Variants in FBP1 observed in about 807,000 individuals in gnomAD.
The protein encoded by FBP1 is fructose-bisphosphatase 1.
FBP1 carries 22 observed loss-of-function variants against 29.9 expected under a neutral mutation model. The ratio of observed to expected loss-of-function variants is 0.74; its 90% CI spans 0.53 to 1.05. The LOEUF is 1.05. Among genes scored for constraint, FBP1 ranks in the 50% least tolerant of loss-of-function variants. The pLI is 0.00. For missense variants in FBP1, 345 were observed against 448.2 expected (o/e 0.77, Z 2.08); for synonymous variants, 175 against 178.6 (o/e 0.98, Z 0.16).
chr9:94,639,543 G>C, upstream of FBP1: 1 of 608,308 alleles, frequency 1.6e-6, no homozygotes, highest in Non-Finnish European at 2.9e-6. Context: ...GGTGAATCGC[G>C]GAAACCTTTA....
intron 1 of FBP1, among the ~76,000 whole-genome samples, chr9:94,626,911 A>C (rs1653812275): frequency 2.0e-5 from 3 of 152,042 alleles, no homozygotes; most frequent in Admixed American, 6.6e-5. Context: ...AAAATTGGCC[A>C]GTCGCAGTGG....
At chr9:94,628,376 T>C (rs545572000) in intron 1 of FBP1, among the ~76,000 whole-genome samples, 92 of 83,190 alleles carry the variant, frequency 1.1e-3, no homozygotes, top group South Asian at 5.5e-3. Flanking sequence ...ACAGAGACTC[T>C]GTCTCAAAAA....
At position 94,610,059 on chromosome 9, in the gene FBP1, T is replaced by C. The variant is rs1177202458; in HGVS notation, c.429A>G (p.Lys143=). ...CCTTCTCAGAAGGCTCATCAGTTGA[T>C]TTCTAGAGCAAGAAAGAAATCAAAG... The part of the protein sequence containing the change: ...VGTIFGIYRK[K]STDEPSEKDA... The change falls in exon 4 of 7, where the codon AAA becomes AAG. Residue 143 remains lysine (K), a splice_region_variant and synonymous_variant. Transcript: ENST00000375326. The C allele has an allele frequency of 6.2e-7, 1 of 1,614,090 alleles. No individual in the cohort carries two copies. The highest frequency in any genetic ancestry group is 2.2e-5 in the East Asian group (1 of 44,876).
chr9:94,614,900 A>G (rs554054443), intron 3 of FBP1, among the ~76,000 whole-genome samples: 86 of 152,030 alleles, frequency 5.7e-4, no homozygotes, highest in Non-Finnish European at 1.0e-3. Context: ...CTTTTTATTA[A>G]TTAATTAATT....
At chr9:94,613,585 C>A (rs112037608) in intron 3 of FBP1, among the ~76,000 whole-genome samples, 1 of 151,766 alleles carries the variant, frequency 6.6e-6, no homozygotes, top group East Asian at 1.9e-4. Flanking sequence ...GGAAACATAG[C>A]GAGACCCCCT....
At chr9:94,613,937 C>T (rs1293850159) in intron 3 of FBP1, among the ~76,000 whole-genome samples, 1 of 149,806 alleles carries the variant, frequency 6.7e-6, no homozygotes, top group East Asian at 2.0e-4. Flanking sequence ...AAAAATTAGC[C>T]AAGCGTGGTG....
At chr9:94,613,783 A>G (rs1175513733) in intron 3 of FBP1, among the ~76,000 whole-genome samples, 1 of 123,630 alleles carries the variant, frequency 8.1e-6, no homozygotes, top group Non-Finnish European at 1.7e-5. Flanking sequence ...GAAAAAAAAG[A>G]AGAAAAAAAA....
At chr9:94,603,914 T>A (rs542439801) in intron 6 of FBP1, 5 of 363,112 alleles carry the variant, frequency 1.4e-5, no homozygotes, top group African/African-American at 2.1e-5. Context: ...ACTTAATGAG[T>A]GATTCTGTGT....
intron 1 of FBP1, among the ~76,000 whole-genome samples, chr9:94,625,220 G>T (rs1299726117): frequency 6.6e-6 from 1 of 151,988 alleles, no homozygotes; most frequent in Non-Finnish European, 1.5e-5. Context: ...ATGACCACCA[G>T]CCAGCCCTCC....
At chr9:94,620,876 G>T (rs1054575580) in intron 1 of FBP1, among the ~76,000 whole-genome samples, 6 of 152,208 alleles carry the variant, frequency 3.9e-5, no homozygotes, top group African/African-American at 7.2e-5. Context: ...ACAAACCTAC[G>T]CATTCTGCAT....
intron 3 of FBP1, among the ~76,000 whole-genome samples, chr9:94,616,658 T>C (rs1827867802): frequency 1.3e-5 from 2 of 151,956 alleles, no homozygotes; most frequent in African/African-American, 4.8e-5. Flanking sequence ...AGTCTCAATC[T>C]CCTGACCTTG....
At chr9:94,627,549 C>A (rs1369544875) in intron 1 of FBP1, among the ~76,000 whole-genome samples, 1 of 152,094 alleles carries the variant, frequency 6.6e-6, no homozygotes, top group African/African-American at 2.4e-5. Flanking sequence ...TGAGCCCTAG[C>A]GAATGCAGCG....
intron 1 of FBP1, among the ~76,000 whole-genome samples, chr9:94,624,803 G>A (rs966294096): frequency 1.3e-5 from 2 of 152,188 alleles, no homozygotes; most frequent in Non-Finnish European, 2.9e-5. Context: ...ATTTCCAAAT[G>A]GAAGGGAGTG....
At position 94,639,433 on chromosome 9, in the gene FBP1, G is replaced by T; in HGVS notation, c.-123C>A. The T allele has an allele frequency of 8.6e-7, 1 of 1,159,794 alleles. No homozygotes were observed. The highest frequency in any genetic ancestry group is 1.3e-6 in the Non-Finnish European group (1 of 799,652). 71.8% of individuals were successfully genotyped at this position (1,159,794 alleles called of 1,614,324 possible). A position where few individuals can be genotyped will look rare whatever the true frequency, so the allele number is the denominator to read the frequency against. ...TGCGGAGCTGCAGGTGCGGGCGGCA[G>T]GTGCGGGCCGCGGGACCTGGCGGGA... On this transcript the variant is annotated 5_prime_UTR_variant, in exon 1 of 7. It adds an upstream start codon to the 5' untranslated region. Coordinates refer to ENST00000375326, the MANE Select transcript of FBP1 (RefSeq NM_000507.4).
At chr9:94,635,631 G>A (rs1022531259) in intron 1 of FBP1, among the ~76,000 whole-genome samples, 1 of 152,188 alleles carries the variant, frequency 6.6e-6, no homozygotes, top group Non-Finnish European at 1.5e-5. Flanking sequence ...CATGCTACCT[G>A]CCTGATGACA....
At chr9:94,609,254 G>A (rs964165735) in intron 4 of FBP1, among the ~76,000 whole-genome samples, 13 of 151,820 alleles carry the variant, frequency 8.6e-5, no homozygotes, top group Middle Eastern at 3.5e-3. Flanking sequence ...AAATGTACAC[G>A]AATAAATGTG....
At chr9:94,613,775 A>G (rs1827820467) in intron 3 of FBP1, among the ~76,000 whole-genome samples, 1 of 137,736 alleles carries the variant, frequency 7.3e-6, no homozygotes, top group Non-Finnish European at 1.6e-5. Context: ...AAAAAAAAGA[A>G]AAAAAAGAAG....
intron 1 of FBP1, 52 bp downstream of exon 1, chr9:94,639,089 G>A (rs1828242762): frequency 6.5e-7 from 1 of 1,545,790 alleles, no homozygotes; most frequent in Non-Finnish European, 8.7e-7. Context: ...CGCCGGGCAG[G>A]CTCCCCAGGC....
chr9:94,605,348 A>C, intron 6 of FBP1, 109 bp downstream of exon 6: 1 of 1,153,210 alleles, frequency 8.7e-7, no homozygotes, highest in Non-Finnish European at 1.3e-6. Flanking sequence ...ACACGTAGCA[A>C]CCTAGCATGG....
Sources: gnomAD v4.1 joint callset for allele counts (sites outside exome capture counted in the v4.1 genomes callset) on GRCh38, gnomAD v4.1.1 for gene constraint, MANE v1.5 for transcripts, NCBI Gene and HGNC (gene_info 2026-07-23, HGNC 2026-07-21) for gene names.